KRIT1: variants seen among roughly 807,000 people sequenced by gnomAD.
KRIT1 encodes the protein KRIT1 ankyrin repeat containing, also known as krev interaction trapped protein 1.
A neutral mutation model predicts 95.8 loss-of-function variants in KRIT1; 45 were observed. The ratio of observed to expected loss-of-function variants is 0.47; its 90% confidence interval spans 0.37 to 0.60. KRIT1 has a LOEUF of 0.60. Among genes scored for constraint, KRIT1 ranks in the 20% least tolerant of loss-of-function variants. The pLI, the probability that KRIT1 is intolerant of heterozygous loss-of-function variation, is 0.00. For synonymous variants in KRIT1, 282 were observed against 278.8 expected (o/e 1.01, Z -0.11); for missense variants, 788 against 877.5 (o/e 0.90, Z 1.29).
chr7:92,222,271 T>A (rs1255658024), intron 13 of KRIT1, among the ~76,000 whole-genome samples: 1 of 152,124 alleles, frequency 6.6e-6, no homozygotes, highest in Non-Finnish European at 1.5e-5. Context: ...TTACATAAAA[T>A]TTATCAAATG....
chr7:92,241,109 C>T lies in KRIT1; in HGVS notation c.146G>A (p.Arg49Lys). 6.2e-7 allele frequency: 1 copy of T among 1,611,236 alleles called. No homozygotes were observed. The highest frequency in any genetic ancestry group is 1.1e-5 in the South Asian group (1 of 91,008). ...TTTCGTTTCCAATAAAACTTTCTTT[C>T]TCTTTTTTTTCTGTCCTTCAATGGG... is the stretch of plus-strand genomic sequence containing the variant. ...EVPIEGQKKKRKKVLLETKLQ... is the reference protein window; with the variant it reads ...EVPIEGQKKKKKKVLLETKLQ... Residue 49 changes from arginine to lysine, a missense_variant, in exon 5 of 19, where the codon AGA becomes AAA. By Grantham distance (26) the Arg-to-Lys change is conservative. Around this residue, in one of 3 missense-constraint regions of KRIT1, gnomAD observed 289 missense variants for 277.5 expected, o/e 1.04. Coordinates refer to ENST00000394505, the MANE Select transcript of KRIT1 (RefSeq NM_194454.3).
intron 5 of KRIT1, among the ~76,000 whole-genome samples, chr7:92,240,075 T>C (rs532103308): frequency 6.6e-6 from 1 of 152,132 alleles, no homozygotes; most frequent in African/African-American, 2.4e-5. Context: ...ACAAAAACTC[T>C]TCAGGCTCTA....
intron 14 of KRIT1, among the ~76,000 whole-genome samples, chr7:92,217,504 C>T (rs538012963): frequency 6.6e-6 from 1 of 152,246 alleles, no homozygotes; most frequent in Admixed American, 6.5e-5. Flanking sequence ...TTCTAGATTA[C>T]TTGATATAAG....
At chr7:92,229,552 C>G (rs1277563991) in intron 10 of KRIT1, among the ~76,000 whole-genome samples, 1 of 152,154 alleles carries the variant, frequency 6.6e-6, no homozygotes, top group Non-Finnish European at 1.5e-5. Flanking sequence ...AGCTCAATAT[C>G]ACTGATCATT....
rs986023429 is a variant in KRIT1, at chr7:92,241,975, G to A, written c.102+59C>T. The A allele has an allele frequency of 1.1e-5, 10 of 925,870 alleles. No individual in the cohort carries two copies. The South Asian group carries it at 1.3e-4, about 12-fold the overall frequency. The allele number at this position is 925,870 out of a possible 1,614,324, so 57.4% of individuals were successfully genotyped here. A position where few individuals can be genotyped will look rare whatever the true frequency, so the allele number is the denominator to read the frequency against. The stretch of plus-strand genomic sequence containing the variant: ...CAAGATATAATAAGGCTTTATATGT[G>A]AATGATAATACAGAATGACATTCAA... On this transcript the variant is annotated intron_variant, in intron 4 of 18. Coordinates refer to ENST00000394505, the MANE Select transcript of KRIT1 (RefSeq NM_194454.3).
intron 10 of KRIT1, 119 bp from the exon 11 acceptor site, chr7:92,226,801 T>A: frequency 1.2e-6 from 1 of 864,720 alleles, no homozygotes. Context: ...TCTAAGAATT[T>A]TCTAGGACAG....
chr7:92,237,766 ATT>A lies in KRIT1; in HGVS notation c.263-9_263-8del. Reference sequence around the variant, plus strand: ...ATTAGTACAACTCGTTTTCCTAATCATTTTTAAAAAGTTAGCAAAACAAAAAT... The same window carrying A: ...ATTAGTACAACTCGTTTTCCTAATCATTTAAAAAGTTAGCAAAACAAAAAT... On this transcript the variant is annotated splice_region_variant and splice_polypyrimidine_tract_variant and intron_variant, in intron 5 of 18. Transcript: ENST00000394505. 6.6e-7 allele frequency: 1 copy of A among 1,515,112 alleles called. No homozygotes were observed. Among genetic ancestry groups the A allele is most frequent in the Non-Finnish European group, 9.2e-7 (1 of 1,090,138 alleles). 93.9% of individuals were successfully genotyped at this position (1,515,112 alleles called of 1,614,324 possible).
chr7:92,227,252 A>G (rs1796381606), intron 10 of KRIT1, among the ~76,000 whole-genome samples: 2 of 152,196 alleles, frequency 1.3e-5, no homozygotes, highest in South Asian at 2.1e-4. Context: ...TAAGTATGGT[A>G]ATGTTTGTCC....
At chr7:92,243,948 T>C (rs1800272323) in intron 3 of KRIT1, 54 bp downstream of exon 3, 1 of 152,178 alleles carries the variant, frequency 6.6e-6, no homozygotes, top group Admixed American at 6.5e-5. Flanking sequence ...ATTATATACT[T>C]CATGAAATTT....
chr7:92,231,819 T>G (rs532568541), intron 10 of KRIT1, among the ~76,000 whole-genome samples: 1 of 152,352 alleles, frequency 6.6e-6, no homozygotes, highest in East Asian at 1.9e-4. Flanking sequence ...TATCCAAGTA[T>G]AAAACTCTTT....
intron 10 of KRIT1, among the ~76,000 whole-genome samples, chr7:92,232,416 T>C (rs1304388259): frequency 5.9e-5 from 9 of 151,940 alleles, no homozygotes; most frequent in African/African-American, 1.9e-4. Context: ...CTAAAAATGG[T>C]ACTGAAACAT....
intron 17 of KRIT1, among the ~76,000 whole-genome samples, chr7:92,207,329 G>A (rs191957244): frequency 3.2e-4 from 48 of 151,976 alleles, no homozygotes; most frequent in Non-Finnish European, 6.6e-4. Flanking sequence ...GAAACTACAG[G>A]CCAGAAGAGC....
chr7:92,225,526 C>G (rs1357915715), intron 12 of KRIT1, among the ~76,000 whole-genome samples, 194 bp downstream of exon 12: 2 of 152,070 alleles, frequency 1.3e-5, no homozygotes, highest in Non-Finnish European at 2.9e-5. Flanking sequence ...ATCTCTTGAC[C>G]TTGTGATCTG....
intron 12 of KRIT1, among the ~76,000 whole-genome samples, chr7:92,225,189 A>G (rs1795974652): frequency 6.6e-6 from 1 of 152,186 alleles, no homozygotes; most frequent in Non-Finnish European, 1.5e-5. Flanking sequence ...CATCAAGCAT[A>G]GAAATTATAT....
At chr7:92,207,962 T>C (rs1039452271) in intron 17 of KRIT1, among the ~76,000 whole-genome samples, 2 of 152,174 alleles carry the variant, frequency 1.3e-5, no homozygotes, top group Non-Finnish European at 2.9e-5. Flanking sequence ...GGATACACCA[T>C]CTGTTAGGCC....
intron 17 of KRIT1, chr7:92,205,993 C>G (rs1038883964): frequency 6.6e-6 from 1 of 152,456 alleles, no homozygotes; most frequent in Non-Finnish European, 1.5e-5. Context: ...GGAGGTCAAC[C>G]CACCTGCCTG....
At position 92,238,408 on chromosome 7, in the gene KRIT1, T is replaced by C. The variant is rs192748718; in HGVS notation, c.263-649A>G. 6.6e-5 allele frequency among the ~76,000 whole-genome samples: 10 copies of C among 152,324 alleles called. No individual in the cohort carries two copies. In the East Asian group the frequency reaches 1.9e-3, roughly 29 times the overall value. On this transcript the variant is annotated intron_variant, in intron 5 of 18. Coordinates refer to ENST00000394505, the MANE Select transcript of KRIT1 (RefSeq NM_194454.3). Reference sequence around the variant, plus strand: ...ACCTCGTTCCTGCCCCAGGTAGAAATGCCTAGTAGGCAGGTGGGATGCCTT... The same window carrying C: ...ACCTCGTTCCTGCCCCAGGTAGAAACGCCTAGTAGGCAGGTGGGATGCCTT...
Position 92,235,854 on chromosome 7 carries a change from T to C in KRIT1, c.486-208A>G, listed in dbSNP as rs1247506307. On this transcript the variant is annotated intron_variant, in intron 7 of 18. Transcript: ENST00000394505. ...TTTAACAAAAAAACATGCATAATACTGTACATACTTTAGGGGCACATGTGA... is the reference window on the plus strand; with the variant it reads ...TTTAACAAAAAAACATGCATAATACCGTACATACTTTAGGGGCACATGTGA... 1.7e-5 allele frequency: 8 copies of C among 468,556 alleles called. No homozygotes were observed. In the Admixed American group the frequency reaches 2.0e-4, roughly 12 times the overall value. 29.0% of individuals were successfully genotyped at this position (468,556 alleles called of 1,614,324 possible).
intron 8 of KRIT1, among the ~76,000 whole-genome samples, chr7:92,235,188 C>T (rs1476428141): frequency 2.6e-5 from 4 of 152,092 alleles, no homozygotes; most frequent in Admixed American, 6.6e-5. Context: ...TTAGTAGAGA[C>T]GAGATTTCAC....
Sources: gnomAD v4.1 joint callset for allele counts (sites outside exome capture counted in the v4.1 genomes callset) on GRCh38, gnomAD v4.1.1 for gene constraint, gnomAD v4.1.1 regional missense constraint, MANE v1.5 for transcripts, NCBI Gene and HGNC (gene_info 2026-07-23, HGNC 2026-07-21) for gene names.